ATP6V0A4: variants seen among roughly 807,000 people sequenced by gnomAD.
ATP6V0A4 encodes ATPase H+ transporting V0 subunit a4, also known as V-type proton ATPase 116 kDa subunit a 4.
ATP6V0A4 carries 86 observed loss-of-function variants against 107.3 expected under a neutral mutation model. That is an observed-to-expected ratio of 0.80 (90% CI 0.67 to 0.96). The LOEUF (loss-of-function observed/expected upper bound fraction) is 0.96, where lower values mean the gene tolerates loss of function less well. ATP6V0A4 is among the 40% of genes least tolerant of loss of function. The pLI is 0.00. For missense variants in ATP6V0A4, 908 were observed against 1,045.6 expected (o/e 0.87, Z 1.81); for synonymous variants, 353 against 381.4 (o/e 0.93, Z 0.87).
intron 8 of ATP6V0A4, among the ~76,000 whole-genome samples, chr7:138,757,442 G>A (rs1385576860): frequency 2.0e-5 from 3 of 152,126 alleles, no homozygotes; most frequent in African/African-American, 7.2e-5. Context: ...TTTGAGCCCA[G>A]GAAGTCGAGG....
chr7:138,733,986 G>T, intron 16 of ATP6V0A4, 150 bp downstream of exon 16: 1 of 852,456 alleles, frequency 1.2e-6, no homozygotes, highest in Non-Finnish European at 1.9e-6. Context: ...CAACCAGCTT[G>T]TCTTGGCTCA....
rs1466361590 is a variant in ATP6V0A4 at position 138,773,553 on chromosome 7, G to A, written c.-17-2289C>T. 6.6e-6 allele frequency among the ~76,000 whole-genome samples: 1 copy of A among 152,082 alleles called. No individual in the cohort carries two copies. The highest frequency in any genetic ancestry group is 2.4e-5 in the African/African-American group (1 of 41,402). ...GTCCACGAGGCTAGAACCATTCCCT[G>A]TTTCCACTCCCACACCGGTCTAGGT... On this transcript the variant is annotated intron_variant, in intron 2 of 21. Coordinates refer to ENST00000310018, the MANE Select transcript of ATP6V0A4 (RefSeq NM_020632.3). The surrounding 1 kb of genome is among the most constrained non-coding windows in gnomAD (Gnocchi z 5.4).
At chr7:138,728,138 C>T (rs180985157) in intron 18 of ATP6V0A4, among the ~76,000 whole-genome samples, 3 of 144,276 alleles carry the variant, frequency 2.1e-5, no homozygotes, top group Non-Finnish European at 3.0e-5. Context: ...ATAAAACAAC[C>T]ACATTCAGAC....
At chr7:138,716,639 C>T (rs1380156532) in intron 19 of ATP6V0A4, among the ~76,000 whole-genome samples, 1 of 152,018 alleles carries the variant, frequency 6.6e-6, no homozygotes, top group African/African-American at 2.4e-5. Flanking sequence ...TCATAGCTCA[C>T]TGCAGCCTTG....
At chr7:138,748,786 C>G (rs1453056685) in intron 12 of ATP6V0A4, among the ~76,000 whole-genome samples, 1 of 152,120 alleles carries the variant, frequency 6.6e-6, no homozygotes, top group Non-Finnish European at 1.5e-5. Flanking sequence ...GTTCTGTGTA[C>G]TGGTGTCTTT....
chr7:138,782,264 C>A (rs1807960351), intron 2 of ATP6V0A4, among the ~76,000 whole-genome samples: 1 of 152,190 alleles, frequency 6.6e-6, no homozygotes, highest in Non-Finnish European at 1.5e-5. Context: ...CATTCCTTGG[C>A]TTGGAGAAGC....
chr7:138,737,109 C>CACA (rs1805363997), intron 15 of ATP6V0A4, among the ~76,000 whole-genome samples: 2 of 46,390 alleles, frequency 4.3e-5, no homozygotes, highest in Admixed American at 2.8e-4. Flanking sequence ...AAAGTAAGCC[C>CACA]TTATTAATAT....
chr7:138,793,065 G>A (rs1002961959), intron 1 of ATP6V0A4, among the ~76,000 whole-genome samples: 3 of 152,048 alleles, frequency 2.0e-5, no homozygotes, highest in East Asian at 3.9e-4. Flanking sequence ...AGGCTGAGAC[G>A]GGAGTCTCAC....
chr7:138,766,720 C>T (rs1014207704), intron 5 of ATP6V0A4, among the ~76,000 whole-genome samples: 4 of 152,054 alleles, frequency 2.6e-5, no homozygotes, highest in African/African-American at 9.7e-5. Flanking sequence ...AATGTGTGTG[C>T]CTTGGCATGG....
In ATP6V0A4 at chr7:138,709,689, C is replaced by G; in HGVS notation, c.2364G>C (p.Leu788=). ...VFIIFAVFAV[L]TVAILLIMEG... is the part of the protein sequence containing the mutation. ...CCATGATCAGAAGGATGGCTACTGTCAGGACAGCAAATACGGCAAAAATAA... is the reference window on the plus strand; with the variant it reads ...CCATGATCAGAAGGATGGCTACTGTGAGGACAGCAAATACGGCAAAAATAA... Residue 788 remains leucine, a synonymous_variant, in exon 21 of 22, where the codon CTG becomes CTC. Coordinates refer to ENST00000310018, the MANE Select transcript of ATP6V0A4 (RefSeq NM_020632.3). 5 of 1,613,836 alleles carry G rather than the reference C, an allele frequency of 3.1e-6. No individual in the cohort carries two copies. Among genetic ancestry groups the G allele is most frequent in the Non-Finnish European group, 4.2e-6 (5 of 1,179,904 alleles).
At chr7:138,742,932 C>G (rs180741811) in intron 14 of ATP6V0A4, among the ~76,000 whole-genome samples, 88 of 148,516 alleles carry the variant, frequency 5.9e-4, no homozygotes, top group African/African-American at 2.1e-3. Context: ...ATATAGCTGT[C>G]TGTATGTCAT....
rs985810427 is a variant in ATP6V0A4, at chr7:138,749,405, C to A, written c.1030-88G>T. On this transcript the variant is annotated intron_variant, in intron 11 of 21. Transcript: ENST00000310018. Reference sequence around the variant, plus strand: ...CAAAGGTCACAGTCCCAGCTCCTGCCGTCCCTCACTGAGCGAACTTGGGGC... The same window carrying A: ...CAAAGGTCACAGTCCCAGCTCCTGCAGTCCCTCACTGAGCGAACTTGGGGC... 42 of 1,510,478 alleles carry A rather than the reference C, an allele frequency of 2.8e-5. 1 individual carries two copies. The Admixed American group carries it at 7.7e-4, about 28-fold the overall frequency. 93.6% of individuals were successfully genotyped at this position (1,510,478 alleles called of 1,614,324 possible). A position where few individuals can be genotyped will look rare whatever the true frequency, so the allele number is the denominator to read the frequency against.
chr7:138,760,940 T>C (rs1330577922), intron 7 of ATP6V0A4, among the ~76,000 whole-genome samples: 1 of 152,162 alleles, frequency 6.6e-6, no homozygotes, highest in East Asian at 1.9e-4. Flanking sequence ...TTCTTGGAAA[T>C]AACTTGATTG....
chr7:138,745,376 C>T (rs1225189177), intron 13 of ATP6V0A4, 96 bp from the exon 14 acceptor site: 2 of 1,583,566 alleles, frequency 1.3e-6, no homozygotes, highest in African/African-American at 2.7e-5. Flanking sequence ...ATCACCGGTG[C>T]AGGCACCCTT....
chr7:138,784,238 A>ATATATACG (rs1563020763), intron 2 of ATP6V0A4, among the ~76,000 whole-genome samples: 20 of 48,970 alleles, frequency 4.1e-4, no homozygotes, highest in East Asian at 2.0e-3. Context: ...ATATATACGT[A>ATATATACG]TATATATATA....
intron 2 of ATP6V0A4, among the ~76,000 whole-genome samples, chr7:138,779,029 A>G (rs1380854511): frequency 6.6e-6 from 1 of 152,174 alleles, no homozygotes; most frequent in African/African-American, 2.4e-5. Context: ...GACTTACTGT[A>G]CAGCACCAGT....
chr7:138,746,534 C>G, intron 13 of ATP6V0A4, among the ~76,000 whole-genome samples: 1 of 151,534 alleles, frequency 6.6e-6, no homozygotes, highest in Non-Finnish European at 1.5e-5. Context: ...GATGGAGTCC[C>G]TCTCTGTCAC....
Position 138,716,712 on chromosome 7 carries a change from C to T in ATP6V0A4, c.2140-831G>A, listed in dbSNP as rs557446040. 6.3e-4 allele frequency among the ~76,000 whole-genome samples: 96 copies of T among 152,202 alleles called. 4 individuals carry two copies. The South Asian group carries it at 0.019, about 31-fold the overall frequency. ...CCGAGTAGCTGGGACTACAGGCATG[C>T]ATCACCATACCTGGCTAATTTTTGT... On this transcript the variant is annotated intron_variant, in intron 19 of 21. Transcript: ENST00000310018.
chr7:138,715,047 C>T (rs1176006471), intron 20 of ATP6V0A4, among the ~76,000 whole-genome samples: 1 of 152,100 alleles, frequency 6.6e-6, no homozygotes, highest in Non-Finnish European at 1.5e-5. Flanking sequence ...AAAGAGGAGC[C>T]GCAAGCCACA....
Sources: gnomAD v4.1 joint callset for allele counts (sites outside exome capture counted in the v4.1 genomes callset) on GRCh38, gnomAD v4.1.1 for gene constraint, Gnocchi (gnomAD v3.1) non-coding constraint, MANE v1.5 for transcripts, NCBI Gene and HGNC (gene_info 2026-07-23, HGNC 2026-07-21) for gene names.